NRXN3: variants seen among roughly 807,000 people sequenced by gnomAD.
NRXN3 encodes neurexin 3.
Under a neutral mutation model 137.6 loss-of-function variants are expected in NRXN3, and 32 were observed. The observed-to-expected ratio is 0.23, with a 90% confidence interval of 0.18 to 0.31. NRXN3 has a LOEUF of 0.31. Ranked by LOEUF, NRXN3 falls within the 10% of genes least tolerant of loss-of-function variation. The pLI is 1.00. For missense variants in NRXN3, 1,574 were observed against 2,062.5 expected (o/e 0.76, Z 4.59); for synonymous variants, 798 against 784.5 (o/e 1.02, Z -0.29).
At chr14:78,795,824 A>T (rs959394106) in intron 8 of NRXN3, among the ~76,000 whole-genome samples, 12 of 152,336 alleles carry the variant, frequency 7.9e-5, no homozygotes, top group Non-Finnish European at 1.2e-4. Context: ...ACACACATTT[A>T]AAAAATTGTC....
chr14:78,684,230 C>T (rs1197659333), intron 6 of NRXN3, among the ~76,000 whole-genome samples: 2 of 151,974 alleles, frequency 1.3e-5, no homozygotes, highest in African/African-American at 4.8e-5. Context: ...ACAGGCAGGC[C>T]CTGGATGTGT....
intron 5 of NRXN3, among the ~76,000 whole-genome samples, chr14:78,650,675 TAAAAGAAAAGAAAAAAG>T (rs1055066625): frequency 5.4e-5 from 8 of 149,488 alleles, no homozygotes; most frequent in Non-Finnish European, 1.0e-4. Flanking sequence ...ACAATAAAGA[TAAAAGAAAAGAAAAAAG>T]AAAAGAAAAG....
At chr14:78,517,934 G>T (rs2096233991) in intron 4 of NRXN3, among the ~76,000 whole-genome samples, 3 of 152,152 alleles carry the variant, frequency 2.0e-5, no homozygotes, top group Non-Finnish European at 4.4e-5. Flanking sequence ...AGAAACCAGG[G>T]ATCCAACTTC....
intron 4 of NRXN3, among the ~76,000 whole-genome samples, chr14:78,343,071 C>CAT (rs1567312951): frequency 4.6e-5 from 7 of 151,856 alleles, no homozygotes; most frequent in African/African-American, 1.5e-4. Context: ...TTGAGCCTCA[C>CAT]CCTAGATCTA....
chr14:78,951,885 A>G (rs1373565213), intron 10 of NRXN3, among the ~76,000 whole-genome samples: 1 of 152,216 alleles, frequency 6.6e-6, no homozygotes, highest in East Asian at 1.9e-4. Flanking sequence ...AGGATGAGGC[A>G]CGGAGAAAGA....
chr14:79,018,294 AAAGAGAG>A (rs1568003800), intron 15 of NRXN3, among the ~76,000 whole-genome samples: 24 of 15,904 alleles, frequency 1.5e-3, no homozygotes, highest in African/African-American at 2.3e-3. Context: ...AAAAAAAAAA[AAAGAGAG>A]AGAGCAAGAA....
intron 1 of NRXN3, among the ~76,000 whole-genome samples, chr14:78,210,740 T>C (rs2062665590): frequency 6.6e-6 from 1 of 152,174 alleles, no homozygotes; most frequent in Non-Finnish European, 1.5e-5. Context: ...GACTTTTCTG[T>C]TTCCAGAATT....
chr14:78,416,894 G>A (rs1432737594), intron 4 of NRXN3, among the ~76,000 whole-genome samples: 2 of 152,156 alleles, frequency 1.3e-5, no homozygotes, highest in Non-Finnish European at 2.9e-5. Context: ...AACTAGGATG[G>A]GCCTAGCAAT....
chr14:78,210,955 T>A (rs1223452575), intron 1 of NRXN3, among the ~76,000 whole-genome samples: 1 of 152,204 alleles, frequency 6.6e-6, no homozygotes, highest in Non-Finnish European at 1.5e-5. Context: ...TCACCAGCTG[T>A]GTGGCTTTGG....
chr14:79,588,237 A>G (rs142600630), intron 16 of NRXN3, among the ~76,000 whole-genome samples: 7 of 152,278 alleles, frequency 4.6e-5, no homozygotes, highest in Admixed American at 1.3e-4. Flanking sequence ...ACTGTTATAT[A>G]ACCTGTGGTC....
intron 2 of NRXN3, among the ~76,000 whole-genome samples, chr14:78,255,117 C>A (rs2069329321): frequency 6.9e-6 from 1 of 144,672 alleles, no homozygotes; most frequent in Admixed American, 7.2e-5. Context: ...TGAGGCTAGT[C>A]TTGGCCGTCA....
chr14:79,360,405 A>G (rs2093643612), intron 15 of NRXN3, among the ~76,000 whole-genome samples: 1 of 152,198 alleles, frequency 6.6e-6, no homozygotes, highest in Admixed American at 6.5e-5. Context: ...GTGCCCAGCC[A>G]TTTGTAATAT....
At chr14:79,107,104 T>C (rs1444602372) in intron 15 of NRXN3, among the ~76,000 whole-genome samples, 1 of 152,194 alleles carries the variant, frequency 6.6e-6, no homozygotes, top group Non-Finnish European at 1.5e-5. Flanking sequence ...CTATGTATCA[T>C]GACTGACTAT....
chr14:78,288,848 G>A (rs895558739), intron 3 of NRXN3, among the ~76,000 whole-genome samples: 5 of 152,326 alleles, frequency 3.3e-5, no homozygotes, highest in Admixed American at 1.3e-4. Context: ...CCCCTACACT[G>A]TAGTTAGGCC....
intron 4 of NRXN3, among the ~76,000 whole-genome samples, chr14:78,450,903 G>A (rs145932604): frequency 2.0e-5 from 3 of 152,202 alleles, no homozygotes; most frequent in Admixed American, 6.5e-5. Context: ...TTTAGATGAC[G>A]GTGTTTGGGG....
chr14:79,824,740 T>C (rs911221276), intron 20 of NRXN3, among the ~76,000 whole-genome samples: 9 of 152,226 alleles, frequency 5.9e-5, no homozygotes, highest in African/African-American at 1.9e-4. Context: ...TTTTGATTTC[T>C]ATTTTGTTTT....
intron 4 of NRXN3, among the ~76,000 whole-genome samples, chr14:78,501,940 G>GC (rs529969317): frequency 4.6e-4 from 70 of 152,134 alleles, no homozygotes; most frequent in Middle Eastern, 3.4e-3. Flanking sequence ...CTTCTATGCA[G>GC]CCCCCCCAGG....
At chr14:79,536,976 G>A in intron 16 of NRXN3, among the ~76,000 whole-genome samples, 1 of 152,078 alleles carries the variant, frequency 6.6e-6, no homozygotes, top group East Asian at 1.9e-4. Context: ...TATACATCTT[G>A]TAATAGGATT....
chr14:78,714,736 G>C lies in NRXN3; in HGVS notation c.1661-20G>C. 1 of 1,606,262 alleles carries C rather than the reference G, an allele frequency of 6.2e-7. No individual in the cohort carries two copies. The highest frequency in any genetic ancestry group is 2.2e-5 in the East Asian group (1 of 44,662). On this transcript the variant is annotated intron_variant, in intron 7 of 20. Coordinates refer to ENST00000335750, the MANE Select transcript of NRXN3 (RefSeq NM_001330195.2). ...TTAAGCAACTGGCAGACTCACCTGA[G>C]ATCTGTCTTCCCACCCCAGGTACTA...
Sources: gnomAD v4.1 joint callset for allele counts (sites outside exome capture counted in the v4.1 genomes callset) on GRCh38, gnomAD v4.1.1 for gene constraint, MANE v1.5 for transcripts, NCBI Gene and HGNC (gene_info 2026-07-23, HGNC 2026-07-21) for gene names.